The following UNC5C variants were observed in gnomAD, a reference collection of about 807,000 sequenced individuals.
UNC5C encodes netrin receptor UNC5C.
A neutral mutation model predicts 99.8 loss-of-function variants in UNC5C; 47 were observed. That is an observed-to-expected ratio of 0.47 (90% CI 0.37 to 0.60). The LOEUF is 0.60. Ranked by LOEUF, UNC5C falls within the 20% of genes least tolerant of loss-of-function variation. UNC5C has a pLI of 0.00. For missense variants in UNC5C, 1,062 were observed against 1,165.9 expected, an observed-to-expected ratio of 0.91 and a Z score of 1.30; for synonymous variants, 487 against 452.2, an observed-to-expected ratio of 1.08 and a Z score of -0.98.
chr4:95,252,043 T>C (rs73837513), intron 4 of UNC5C, among the ~76,000 whole-genome samples: 1 of 152,156 alleles, frequency 6.6e-6, no homozygotes, highest in African/African-American at 2.4e-5. Context: ...AGTGGGTGTT[T>C]TAAATATGTA....
chr4:95,248,488 T>C lies in UNC5C; in HGVS notation c.775+1999A>G, dbSNP rs533643437. ...TAACTTCCCCGTGGTCTCAACTTCC[T>C]GTCCTTGAGGATAAGAATGTTACTT... On this transcript the variant is annotated intron_variant, in intron 5 of 15. Transcript: ENST00000453304. The C allele has an allele frequency of 1.3e-5, 6 of 452,366 alleles. No homozygotes were observed. In the East Asian group the frequency reaches 4.2e-4, roughly 32 times the overall value. The allele number at this position is 452,366 out of a possible 1,614,324, so 28.0% of individuals were successfully genotyped here.
chr4:95,234,555 A>AAAT (rs1408082437), intron 7 of UNC5C, among the ~76,000 whole-genome samples: 3 of 152,168 alleles, frequency 2.0e-5, no homozygotes, highest in Admixed American at 6.5e-5. Flanking sequence ...CCACTTTTTA[A>AAAT]AATGTAGTTT....
At chr4:95,500,416 A>T (rs1327813475) in intron 1 of UNC5C, among the ~76,000 whole-genome samples, 1 of 151,914 alleles carries the variant, frequency 6.6e-6, no homozygotes, top group East Asian at 1.9e-4. Context: ...ATTAAGTTCT[A>T]AAAAAAACAA....
At chr4:95,226,886 A>G (rs1441084926) in intron 7 of UNC5C, among the ~76,000 whole-genome samples, 1 of 152,118 alleles carries the variant, frequency 6.6e-6, no homozygotes, top group African/African-American at 2.4e-5. Context: ...GTGGAGGCCA[A>G]GGATATTGAA....
chr4:95,200,837 A>C (rs13116313), intron 12 of UNC5C, among the ~76,000 whole-genome samples: 5,732 of 152,020 alleles, frequency 0.038, 370 homozygotes, highest in African/African-American at 0.13. Context: ...GAAAAGGCAC[A>C]GTCACTGTTA....
intron 1 of UNC5C, among the ~76,000 whole-genome samples, chr4:95,525,156 C>T (rs377005851): frequency 9.3e-4 from 142 of 152,256 alleles, no homozygotes; most frequent in African/African-American, 3.1e-3. Flanking sequence ...TACATAAGAG[C>T]AGCAATTCTG....
intron 1 of UNC5C, among the ~76,000 whole-genome samples, chr4:95,526,760 T>G (rs948465224): frequency 2.6e-5 from 4 of 152,040 alleles, no homozygotes; most frequent in African/African-American, 9.7e-5. Flanking sequence ...TAAAATATGT[T>G]TCACAATGTG....
intron 3 of UNC5C, among the ~76,000 whole-genome samples, chr4:95,282,758 C>G (rs913759828): frequency 2.0e-5 from 3 of 152,086 alleles, no homozygotes; most frequent in African/African-American, 7.2e-5. Flanking sequence ...CAGGCAGGAC[C>G]CTCTCTGGAA....
chr4:95,261,569 A>G (rs1740228724), intron 4 of UNC5C, among the ~76,000 whole-genome samples: 1 of 152,240 alleles, frequency 6.6e-6, no homozygotes, highest in South Asian at 2.1e-4. Flanking sequence ...CACTGCAGAT[A>G]AAGAGGAGTT....
chr4:95,252,138 G>A (rs1247699299), intron 4 of UNC5C, among the ~76,000 whole-genome samples: 1 of 152,156 alleles, frequency 6.6e-6, no homozygotes, highest in Admixed American at 6.5e-5. Context: ...ACTTGACCTG[G>A]ATTTTCTCAA....
Position 95,183,052 on chromosome 4 carries a change from A to G in UNC5C, c.2296T>C (p.Phe766Leu). 1 of 1,605,656 alleles carries G rather than the reference A, an allele frequency of 6.2e-7. No individual in the cohort carries two copies. Among genetic ancestry groups the G allele is most frequent in the South Asian group, 1.1e-5 (1 of 90,620 alleles). Residue 766 changes from phenylalanine (F) to leucine (L), a missense_variant, in exon 14 of 16, where the codon TTT (phenylalanine) becomes CTT (leucine). Physicochemically the swap from Phe to Leu is conservative, Grantham distance 22. This residue lies in a region of UNC5C where 810 missense variants were observed against 854.5 expected (regional missense o/e 0.95). Transcript: ENST00000453304. Reference sequence around the variant, plus strand: ...TGAGATCCACTCCAAACATGGTAAAATGGAATTTCCTAAAGGATATGAAAG... The same window carrying G: ...TGAGATCCACTCCAAACATGGTAAAGTGGAATTTCCTAAAGGATATGAAAG... ...KLLAKYQEIPFYHVWSGSQRN... is the reference protein window; with the variant it reads ...KLLAKYQEIPLYHVWSGSQRN...
rs558931899 is a variant in UNC5C, at chr4:95,381,238, T to C, written c.125-45607A>G. 8.5e-5 allele frequency among the ~76,000 whole-genome samples: 13 copies of C among 152,308 alleles called. No individual in the cohort carries two copies. The South Asian group carries it at 2.5e-3, about 29-fold the overall frequency. On this transcript the variant is annotated intron_variant, in intron 1 of 15. Transcript: ENST00000453304. ...GAACACTCATCATCACTGAACATCATAGTGCATCCACGAGAGCCACTTTGA... is the reference window on the plus strand; with the variant it reads ...GAACACTCATCATCACTGAACATCACAGTGCATCCACGAGAGCCACTTTGA...
chr4:95,242,173 A>G (rs980876795), intron 7 of UNC5C, among the ~76,000 whole-genome samples: 2 of 152,182 alleles, frequency 1.3e-5, no homozygotes, highest in Non-Finnish European at 2.9e-5. Flanking sequence ...GTTCCCTTCC[A>G]TATAAGTGAT....
intron 3 of UNC5C, among the ~76,000 whole-genome samples, chr4:95,292,726 A>T (rs1316537440): frequency 6.6e-6 from 1 of 152,224 alleles, no homozygotes; most frequent in East Asian, 1.9e-4. Flanking sequence ...CCTTGGGGAA[A>T]AAAAGTATTT....
chr4:95,185,058 C>T lies in UNC5C; in HGVS notation c.2275G>A (p.Ala759Thr). The change falls in exon 13 of 16, where the codon GCT becomes ACT. Residue 759 changes from alanine (A) to threonine (T), a missense_variant. Transcript: ENST00000453304. ...CTTGGGAACCTTACCTGATATTTAG[C>T]CAGCAATTTGCTCTTCCAGAGGGAA... ...AHSLWKSKLL[A>T]KYQEIPFYHV... is the part of the protein sequence containing the mutation. The T allele has an allele frequency of 3.1e-6, 5 of 1,611,048 alleles. No individual in the cohort carries two copies. Among genetic ancestry groups the T allele is most frequent in the South Asian group, 2.2e-5 (2 of 90,464 alleles).
intron 12 of UNC5C, among the ~76,000 whole-genome samples, chr4:95,186,507 T>G (rs554800388): frequency 1.3e-5 from 2 of 152,330 alleles, no homozygotes; most frequent in South Asian, 4.1e-4. Flanking sequence ...CCACGATCAT[T>G]GATTACATGC....
At chr4:95,254,731 TC>T (rs1560754889) in intron 4 of UNC5C, among the ~76,000 whole-genome samples, 1 of 152,192 alleles carries the variant, frequency 6.6e-6, no homozygotes, top group Non-Finnish European at 1.5e-5. Flanking sequence ...TTACAACTCC[TC>T]CATAAACTTA....
At chr4:95,201,379 C>G in intron 12 of UNC5C, among the ~76,000 whole-genome samples, 1 of 152,144 alleles carries the variant, frequency 6.6e-6, no homozygotes, top group East Asian at 1.9e-4. Flanking sequence ...TGTCATCATT[C>G]AGCTCCATCA....
At chr4:95,407,934 G>T (rs1745874770) in intron 1 of UNC5C, among the ~76,000 whole-genome samples, 2 of 152,160 alleles carry the variant, frequency 1.3e-5, no homozygotes, top group African/African-American at 4.8e-5. Context: ...CTTTACTTAG[G>T]AATACCTGGG....
Sources: allele counts gnomAD v4.1 joint callset (sites outside exome capture counted in the v4.1 genomes callset), GRCh38; gene constraint gnomAD v4.1.1; regional missense constraint gnomAD v4.1.1; transcripts MANE v1.5; gene names NCBI Gene and HGNC (gene_info 2026-07-23, HGNC 2026-07-21).